The following COL25A1 variants were observed in gnomAD, a reference collection of about 807,000 sequenced individuals.
COL25A1 encodes collagen type XXV alpha 1 chain.
Under a neutral mutation model 128.4 loss-of-function variants are expected in COL25A1, and 103 were observed. That is an observed-to-expected ratio of 0.80 (90% CI 0.68 to 0.94). The LOEUF (loss-of-function observed/expected upper bound fraction) is 0.94. Among genes scored for constraint, COL25A1 ranks in the 40% least tolerant of loss-of-function variants. The probability of loss-of-function intolerance (pLI) is 0.00; values close to 1 mark genes in which losing one functional copy is unlikely to be tolerated. For missense variants in COL25A1, 745 were observed against 840.0 expected (o/e 0.89, Z 1.40); for synonymous variants, 279 against 277.2 (o/e 1.01, Z -0.06).
intron 3 of COL25A1, among the ~76,000 whole-genome samples, chr4:109,237,511 T>C (rs1779553789): frequency 6.6e-6 from 1 of 151,590 alleles, no homozygotes; most frequent in South Asian, 2.1e-4. Flanking sequence ...AAAAATCACA[T>C]GAATAAATAA....
intron 3 of COL25A1, among the ~76,000 whole-genome samples, chr4:109,209,425 G>C (rs999443384): frequency 4.6e-5 from 7 of 151,986 alleles, no homozygotes; most frequent in African/African-American, 1.7e-4. Flanking sequence ...AAATCAATGA[G>C]AGTTTCTCTC....
At chr4:109,053,015 T>C (rs1017876296) in intron 3 of COL25A1, among the ~76,000 whole-genome samples, 4 of 152,104 alleles carry the variant, frequency 2.6e-5, no homozygotes, top group Admixed American at 2.6e-4. Context: ...CAGAAAAACA[T>C]GACTCTGCAA....
At chr4:108,901,841 T>C (rs1168534306) in intron 13 of COL25A1, among the ~76,000 whole-genome samples, 1 of 152,062 alleles carries the variant, frequency 6.6e-6, no homozygotes, top group Admixed American at 6.6e-5. Context: ...GATGATGATG[T>C]ATACCAGTCT....
At chr4:108,820,731 A>G (rs530500267) in intron 35 of COL25A1, among the ~76,000 whole-genome samples, 17 of 152,218 alleles carry the variant, frequency 1.1e-4, no homozygotes, top group Admixed American at 6.5e-4. Flanking sequence ...AAAAAAAAAA[A>G]AATCTGTTCA....
chr4:109,103,171 A>G (rs1766077836), intron 3 of COL25A1, among the ~76,000 whole-genome samples: 1 of 152,172 alleles, frequency 6.6e-6, no homozygotes, highest in Non-Finnish European at 1.5e-5. Flanking sequence ...ATTAACTTCA[A>G]ATAAACTAAT....
chr4:109,006,638 C>T (rs924935519), intron 6 of COL25A1, among the ~76,000 whole-genome samples: 4 of 151,910 alleles, frequency 2.6e-5, no homozygotes, highest in Admixed American at 1.3e-4. Context: ...TGCAAATTTA[C>T]TCAAAGAAAA....
intron 3 of COL25A1, among the ~76,000 whole-genome samples, chr4:109,267,481 G>A (rs1000151965): frequency 6.6e-6 from 1 of 152,154 alleles, no homozygotes; most frequent in East Asian, 1.9e-4. Context: ...CCAATTAAAA[G>A]AAAATCTTCA....
At chr4:108,956,809 G>A (rs768063778) in intron 8 of COL25A1, among the ~76,000 whole-genome samples, 45 of 152,244 alleles carry the variant, frequency 3.0e-4, no homozygotes, top group Non-Finnish European at 4.7e-4. Flanking sequence ...CAAATCTCCA[G>A]GAAATGGGAA....
At chr4:108,960,115 T>C (rs1750518053) in intron 8 of COL25A1, among the ~76,000 whole-genome samples, 1 of 152,132 alleles carries the variant, frequency 6.6e-6, no homozygotes, top group South Asian at 2.1e-4. Context: ...AAAATTCACT[T>C]TGTCAACATA....
chr4:108,948,562 TGATAA>T (rs1189222988), intron 8 of COL25A1, among the ~76,000 whole-genome samples: 1 of 117,758 alleles, frequency 8.5e-6, no homozygotes. Context: ...TGTCTATAAA[TGATAA>T]GTGTAAATTT....
chr4:108,859,745 C>T lies in COL25A1; in HGVS notation c.1243-12G>A, dbSNP rs374239211. 3 of 1,610,070 alleles carry T rather than the reference C, an allele frequency of 1.9e-6. No individual in the cohort carries two copies. Among genetic ancestry groups the T allele is most frequent in the South Asian group, 2.2e-5 (2 of 90,948 alleles). ...TGACCAGGTGGACCCTATGACAAAA[C>T]CAATCAAGGGAAAATCATGGGTATT... On this transcript the variant is annotated splice_polypyrimidine_tract_variant and intron_variant, in intron 23 of 37. Coordinates refer to ENST00000399132, the MANE Select transcript of COL25A1 (RefSeq NM_198721.4).
At chr4:109,264,647 C>T (rs1274631918) in intron 3 of COL25A1, among the ~76,000 whole-genome samples, 7 of 152,170 alleles carry the variant, frequency 4.6e-5, no homozygotes, top group Admixed American at 1.3e-4. Context: ...AGAGCAGATT[C>T]AGTGGGGAAT....
In COL25A1 at chr4:109,019,353, C is replaced by CAT. The variant is rs1322397205; in HGVS notation, c.421-8979_421-8978insAT. ...ACATGTGTGTATACACACACATACA[C>CAT]ACACACACACACACACACACACATA... is the stretch of plus-strand genomic sequence containing the variant. On this transcript the variant is annotated intron_variant, in intron 5 of 37. Coordinates refer to ENST00000399132, the MANE Select transcript of COL25A1 (RefSeq NM_198721.4). Among the ~76,000 whole-genome samples the CAT allele has an allele frequency of 2.6e-5, 3 of 117,262 alleles. 1 individual carries two copies. The highest frequency in any genetic ancestry group is 6.2e-5 in the Non-Finnish European group (3 of 48,350). The allele number at this position is 117,262 out of a possible 152,430, so 76.9% of individuals were successfully genotyped here.
chr4:109,165,162 T>C (rs930249945), intron 3 of COL25A1, among the ~76,000 whole-genome samples: 30 of 152,142 alleles, frequency 2.0e-4, no homozygotes, highest in African/African-American at 7.0e-4. Flanking sequence ...CAAATTTAGG[T>C]TGTAAGCTTA....
At chr4:109,001,691 G>C (rs1755432408) in intron 6 of COL25A1, among the ~76,000 whole-genome samples, 1 of 152,170 alleles carries the variant, frequency 6.6e-6, no homozygotes, top group Non-Finnish European at 1.5e-5. Flanking sequence ...TTGATCCTGA[G>C]TCACCTGCAT....
intron 3 of COL25A1, among the ~76,000 whole-genome samples, chr4:109,218,363 T>TTG (rs1778182025): frequency 7.4e-6 from 1 of 135,760 alleles, no homozygotes; most frequent in African/African-American, 2.9e-5. Context: ...TGGGGTTTTT[T>TTG]TTTTTTTTTT....
intron 3 of COL25A1, among the ~76,000 whole-genome samples, chr4:109,132,631 A>G (rs1156280697): frequency 6.6e-6 from 1 of 152,192 alleles, no homozygotes; most frequent in Admixed American, 6.5e-5. Flanking sequence ...TTAAGAAAAC[A>G]AATTAAATTA....
intron 8 of COL25A1, among the ~76,000 whole-genome samples, chr4:108,956,202 G>A (rs1578883715): frequency 6.6e-6 from 1 of 152,130 alleles, no homozygotes; most frequent in Non-Finnish European, 1.5e-5. Context: ...TTATTAGTAG[G>A]TGGATGCACT....
At chr4:108,883,061 A>T (rs1237688187) in intron 19 of COL25A1, among the ~76,000 whole-genome samples, 2 of 152,108 alleles carry the variant, frequency 1.3e-5, no homozygotes, top group Non-Finnish European at 2.9e-5. Flanking sequence ...TCTTTTTTAG[A>T]GACGGAATAG....
Sources: gnomAD v4.1 joint callset for allele counts (sites outside exome capture counted in the v4.1 genomes callset) on GRCh38, gnomAD v4.1.1 for gene constraint, MANE v1.5 for transcripts, NCBI Gene and HGNC (gene_info 2026-07-23, HGNC 2026-07-21) for gene names.